GPC5: variants seen among roughly 807,000 people sequenced by gnomAD.
The protein encoded by GPC5 is glypican-5.
In GPC5, 47 loss-of-function variants were observed where a neutral mutation model predicts 53.9. That is an observed-to-expected ratio of 0.87 (90% confidence interval 0.69 to 1.11). The LOEUF (loss-of-function observed/expected upper bound fraction) is 1.11. Ranked by LOEUF, GPC5 falls within the 50% of genes most tolerant of loss-of-function variation. The probability of loss-of-function intolerance (pLI) is 0.00; values close to 1 mark genes in which losing one functional copy is unlikely to be tolerated. For missense variants in GPC5, 748 were observed against 713.1 expected, an observed-to-expected ratio of 1.05 and a Z score of -0.56; for synonymous variants, 286 against 263.3, an observed-to-expected ratio of 1.09 and a Z score of -0.84.
intron 6 of GPC5, among the ~76,000 whole-genome samples, chr13:91,972,785 A>G (rs1354254063): frequency 6.6e-6 from 1 of 152,144 alleles, no homozygotes; most frequent in Non-Finnish European, 1.5e-5. Context: ...AAGAATGTTG[A>G]ATATTGGCCC....
chr13:92,663,903 T>TATATACACAC (rs1886478093), intron 7 of GPC5, among the ~76,000 whole-genome samples: 1 of 83,180 alleles, frequency 1.2e-5, no homozygotes, highest in African/African-American at 5.2e-5. Context: ...TATATATATA[T>TATATACACAC]ACACACACAC....
At chr13:92,218,947 C>T (rs1382962602) in intron 7 of GPC5, among the ~76,000 whole-genome samples, 3 of 152,272 alleles carry the variant, frequency 2.0e-5, no homozygotes, top group East Asian at 1.9e-4. Flanking sequence ...ACTTTGAAAA[C>T]CACAATAAAA....
intron 7 of GPC5, among the ~76,000 whole-genome samples, chr13:92,167,128 A>G (rs907216487): frequency 5.9e-5 from 9 of 152,128 alleles, no homozygotes; most frequent in African/African-American, 2.2e-4. Flanking sequence ...GTTTTATACA[A>G]AAAGTCTTAC....
intron 7 of GPC5, among the ~76,000 whole-genome samples, chr13:92,313,075 TAA>T (rs2043156161): frequency 6.6e-6 from 1 of 152,152 alleles, no homozygotes; most frequent in South Asian, 2.1e-4. Flanking sequence ...CTTGTTCATA[TAA>T]AGAGTGAGTT....
chr13:92,489,944 T>A (rs1007623197), intron 7 of GPC5, among the ~76,000 whole-genome samples: 1 of 152,146 alleles, frequency 6.6e-6, no homozygotes. Context: ...TTTTAAATGA[T>A]TCTGTGGAAC....
intron 5 of GPC5, among the ~76,000 whole-genome samples, chr13:91,838,313 TTAGCTCAA>T (rs1370454460): frequency 6.6e-6 from 1 of 152,032 alleles, no homozygotes; most frequent in Non-Finnish European, 1.5e-5. Flanking sequence ...AAGGACACTC[TTAGCTCAA>T]TAGGTGCTTC....
intron 7 of GPC5, among the ~76,000 whole-genome samples, chr13:92,155,822 T>C (rs1424694848): frequency 6.6e-6 from 1 of 152,186 alleles, no homozygotes; most frequent in Non-Finnish European, 1.5e-5. Context: ...TTGTGTCTTG[T>C]ATCCCATGCT....
At chr13:92,534,157 C>T (rs1038670428) in intron 7 of GPC5, among the ~76,000 whole-genome samples, 9 of 152,004 alleles carry the variant, frequency 5.9e-5, no homozygotes, top group Non-Finnish European at 1.3e-4. Context: ...GAGCAGAGTG[C>T]CACTCTGTTG....
chr13:92,088,160 G>C (rs1387883997), intron 6 of GPC5, among the ~76,000 whole-genome samples: 1 of 152,034 alleles, frequency 6.6e-6, no homozygotes, highest in Non-Finnish European at 1.5e-5. Flanking sequence ...TCCCACTCAT[G>C]CATCAACCCA....
chr13:92,037,239 C>T (rs1476059720), intron 6 of GPC5, among the ~76,000 whole-genome samples: 6 of 151,984 alleles, frequency 3.9e-5, no homozygotes, highest in Non-Finnish European at 8.8e-5. Flanking sequence ...ACCTTGCTTA[C>T]TTATTTACCA....
At chr13:92,485,556 G>A (rs929713300) in intron 7 of GPC5, among the ~76,000 whole-genome samples, 1 of 152,072 alleles carries the variant, frequency 6.6e-6, no homozygotes, top group Non-Finnish European at 1.5e-5. Flanking sequence ...GGCAAAATTA[G>A]GCAAATAGTA....
chr13:92,160,683 A>G (rs372798673), intron 7 of GPC5, among the ~76,000 whole-genome samples: 2 of 152,292 alleles, frequency 1.3e-5, no homozygotes, highest in Non-Finnish European at 1.5e-5. Flanking sequence ...ATATAAAACT[A>G]TCTCTCTGAA....
At position 91,496,034 on chromosome 13, in the gene GPC5, AAAATAAAAAAT is replaced by A. The variant is rs1441014685; in HGVS notation, c.325+47127_325+47137del. 2.6e-3 allele frequency among the ~76,000 whole-genome samples: 376 copies of A among 145,146 alleles called. 7 individuals carry two copies. The highest frequency in any genetic ancestry group is 4.1e-4 in the Non-Finnish European group (27 of 65,658). On this transcript the variant is annotated intron_variant, in intron 2 of 7. Transcript: ENST00000377067. Reference sequence around the variant, plus strand: ...AGAGACTCTGTCTCAAAAAAAATAAAAAATAAAAAATAAATAAAAAATAAAATTAGATCTTG... The same window carrying A: ...AGAGACTCTGTCTCAAAAAAAATAAAAAATAAAAAATAAAATTAGATCTTG...
chr13:91,421,442 T>C lies in GPC5; in HGVS notation c.163+22233T>C, dbSNP rs9560787. 2.2e-3 allele frequency among the ~76,000 whole-genome samples: 342 copies of C among 152,310 alleles called. 11 individuals carry two copies. In the East Asian group the frequency reaches 0.061, roughly 27 times the overall value. On this transcript the variant is annotated intron_variant, in intron 1 of 7. Coordinates refer to ENST00000377067, the MANE Select transcript of GPC5 (RefSeq NM_004466.6). ...AAGGGAATAATAATACTTACCAATG[T>C]GGAACTCAGAAGACTAATATTTTAA...
chr13:91,445,268 T>G (rs1880709707), intron 1 of GPC5, among the ~76,000 whole-genome samples: 1 of 152,142 alleles, frequency 6.6e-6, no homozygotes, highest in Admixed American at 6.5e-5. Flanking sequence ...AAAATAAAGG[T>G]TACTTGAACA....
At chr13:92,244,293 T>G (rs540882782) in intron 7 of GPC5, among the ~76,000 whole-genome samples, 2 of 152,242 alleles carry the variant, frequency 1.3e-5, no homozygotes, top group Admixed American at 6.5e-5. Flanking sequence ...TTAATTCTGA[T>G]TTCCAGAAGA....
chr13:91,959,847 G>T (rs775404777), intron 6 of GPC5, among the ~76,000 whole-genome samples: 4 of 151,768 alleles, frequency 2.6e-5, no homozygotes, highest in Non-Finnish European at 5.9e-5. Flanking sequence ...ACAGAATTAG[G>T]GACAAAAGCC....
At chr13:92,112,177 T>C (rs1244270947) in intron 6 of GPC5, among the ~76,000 whole-genome samples, 3 of 152,036 alleles carry the variant, frequency 2.0e-5, no homozygotes, top group Admixed American at 1.3e-4. Flanking sequence ...CATCCAGGGG[T>C]TCAAAGAGTT....
At chr13:92,760,485 T>C (rs67937794) in intron 7 of GPC5, among the ~76,000 whole-genome samples, 31,486 of 152,046 alleles carry the variant, frequency 0.21, 3,417 homozygotes, top group Middle Eastern at 0.28. Flanking sequence ...TAGTCTCTTA[T>C]GATCCTTTCT....
Sources: gnomAD v4.1 joint callset for allele counts (sites outside exome capture counted in the v4.1 genomes callset) on GRCh38, gnomAD v4.1.1 for gene constraint, MANE v1.5 for transcripts, NCBI Gene and HGNC (gene_info 2026-07-23, HGNC 2026-07-21) for gene names.